The following MEIS1 variants were observed in gnomAD, a reference collection of about 807,000 sequenced individuals.
The protein encoded by MEIS1 is homeobox protein Meis1.
Under a neutral mutation model 50.8 loss-of-function variants are expected in MEIS1, and 5 were observed. The ratio of observed to expected loss-of-function variants is 0.10; its 90% CI spans 0.05 to 0.21. The LOEUF is 0.21. Among genes scored for constraint, MEIS1 ranks in the 10% least tolerant of loss-of-function variants. The pLI is 1.00. For synonymous variants in MEIS1, 176 were observed against 179.3 expected (o/e 0.98, Z 0.15); for missense variants, 318 against 517.3 (o/e 0.61, Z 3.74).
chr2:66,485,825 T>C (rs1397130664), intron 7 of MEIS1, among the ~76,000 whole-genome samples: 4 of 152,260 alleles, frequency 2.6e-5, no homozygotes, highest in African/African-American at 9.6e-5. Flanking sequence ...CACTGTGGTT[T>C]TGATTTGCAT....
intron 7 of MEIS1, among the ~76,000 whole-genome samples, chr2:66,502,931 G>C (rs1265747815): frequency 6.6e-6 from 1 of 152,150 alleles, no homozygotes; most frequent in Admixed American, 6.6e-5. Flanking sequence ...TGCTGAGCTG[G>C]CTTTGGGACC....
intron 7 of MEIS1, among the ~76,000 whole-genome samples, chr2:66,500,951 G>C (rs2103829452): frequency 6.6e-6 from 1 of 152,258 alleles, no homozygotes. Context: ...TTGTCTTTGT[G>C]TGTTTGTGTG....
intron 8 of MEIS1, among the ~76,000 whole-genome samples, chr2:66,520,709 G>A (rs1035684929): frequency 6.6e-6 from 1 of 152,202 alleles, no homozygotes; most frequent in Non-Finnish European, 1.5e-5. Flanking sequence ...AATGTAATAT[G>A]TATGTATGTA....
At chr2:66,461,911 G>A (rs1672529379) in intron 6 of MEIS1, 1 of 468,726 alleles carries the variant, frequency 2.1e-6, no homozygotes, top group African/African-American at 2.0e-5. Flanking sequence ...ACAAACACTG[G>A]GCTCAGGGCT....
chr2:66,515,187 C>A (rs1383996609), intron 8 of MEIS1, among the ~76,000 whole-genome samples: 1 of 152,132 alleles, frequency 6.6e-6, no homozygotes, highest in African/African-American at 2.4e-5. Flanking sequence ...AAAACAATAG[C>A]AATACCAATT....
At chr2:66,457,262 G>A (rs1431014943) in intron 6 of MEIS1, among the ~76,000 whole-genome samples, 1 of 151,630 alleles carries the variant, frequency 6.6e-6, no homozygotes, top group East Asian at 1.9e-4. Flanking sequence ...GTTTTGAGAG[G>A]AGCAGGCTGT....
At chr2:66,458,506 T>A (rs1672446342) in intron 6 of MEIS1, among the ~76,000 whole-genome samples, 2 of 152,226 alleles carry the variant, frequency 1.3e-5, no homozygotes, top group Non-Finnish European at 2.9e-5. Flanking sequence ...TAGGTCAACT[T>A]ATGTTGTTAC....
At chr2:66,484,054 C>T (rs888213524) in intron 7 of MEIS1, among the ~76,000 whole-genome samples, 1 of 152,038 alleles carries the variant, frequency 6.6e-6, no homozygotes, top group Non-Finnish European at 1.5e-5. Flanking sequence ...ATAAACTTTA[C>T]CAAGTATTCC....
chr2:66,440,744 G>A (rs1181040244), intron 4 of MEIS1, 132 bp downstream of exon 4: 1 of 638,810 alleles, frequency 1.6e-6, no homozygotes, highest in East Asian at 2.8e-5. Context: ...GGCTGCAAAT[G>A]TTTCTGTACA....
intron 6 of MEIS1, among the ~76,000 whole-genome samples, chr2:66,450,918 C>G (rs138224371): frequency 6.6e-6 from 1 of 152,156 alleles, no homozygotes; most frequent in East Asian, 1.9e-4. Context: ...TTTTTCTGAT[C>G]ACTTTTTTTT....
intron 8 of MEIS1, among the ~76,000 whole-genome samples, chr2:66,535,199 C>A (rs1674488401): frequency 1.3e-5 from 2 of 151,960 alleles, no homozygotes; most frequent in South Asian, 4.2e-4. Context: ...GCCACGTAAC[C>A]CTGTATATCT....
intron 8 of MEIS1, among the ~76,000 whole-genome samples, chr2:66,521,259 C>A (rs948948570): frequency 6.6e-6 from 1 of 152,212 alleles, no homozygotes. Flanking sequence ...CTACCCATGT[C>A]TGTTACCAAC....
intron 8 of MEIS1, among the ~76,000 whole-genome samples, chr2:66,531,413 A>G (rs1234765103): frequency 6.6e-6 from 1 of 152,258 alleles, no homozygotes; most frequent in Non-Finnish European, 1.5e-5. Flanking sequence ...ACAAGCAAAC[A>G]TGCTCACAGA....
chr2:66,458,567 C>G (rs942407099), intron 6 of MEIS1, among the ~76,000 whole-genome samples: 2 of 152,166 alleles, frequency 1.3e-5, no homozygotes, highest in African/African-American at 2.4e-5. Flanking sequence ...GCATGCTTGA[C>G]AATTTACATA....
intron 6 of MEIS1, among the ~76,000 whole-genome samples, chr2:66,448,019 G>A (rs547223313): frequency 6.6e-6 from 1 of 152,250 alleles, no homozygotes; most frequent in Non-Finnish European, 1.5e-5. Context: ...CCACCAGAAT[G>A]ACTCCATTGC....
At chr2:66,439,765 C>G (rs1671907732) in intron 2 of MEIS1, 78 bp from the exon 3 acceptor site, 6 of 1,606,154 alleles carry the variant, frequency 3.7e-6, no homozygotes, top group Middle Eastern at 1.7e-4. Context: ...GCTCCTCCAG[C>G]TGTTTTTCTT....
intron 6 of MEIS1, among the ~76,000 whole-genome samples, chr2:66,447,319 C>A (rs1672176123): frequency 6.6e-6 from 1 of 152,278 alleles, no homozygotes; most frequent in African/African-American, 2.4e-5. Flanking sequence ...CGTAGGTTCC[C>A]ACTTAATGCC....
At chr2:66,568,395 TCCAACA>T in intron 10 of MEIS1, 1 of 342,222 alleles carries the variant, frequency 2.9e-6, no homozygotes, top group African/African-American at 2.1e-5. Context: ...CTTTTTTTCT[TCCAACA>T]CCCATTATGT....
intron 8 of MEIS1, among the ~76,000 whole-genome samples, chr2:66,520,654 C>G (rs1238375772): frequency 6.6e-6 from 1 of 152,114 alleles, no homozygotes; most frequent in African/African-American, 2.4e-5. Flanking sequence ...TTATTCTATC[C>G]TTTCAACAGC....
Sources: allele counts gnomAD v4.1 joint callset (sites outside exome capture counted in the v4.1 genomes callset), GRCh38; gene constraint gnomAD v4.1.1; transcripts MANE v1.5; gene names NCBI Gene and HGNC (gene_info 2026-07-23, HGNC 2026-07-21).